Variants in MYH7 observed in about 807,000 individuals in gnomAD.
MYH7 encodes the protein myosin heavy chain 7.
Under a neutral mutation model 225.4 loss-of-function variants are expected in MYH7, and 129 were observed. That is an observed-to-expected ratio of 0.57 (90% CI 0.50 to 0.66). The LOEUF is 0.66. Among genes scored for constraint, MYH7 ranks in the 30% least tolerant of loss-of-function variants. The probability of loss-of-function intolerance (pLI) is 0.00; values close to 1 mark genes in which losing one functional copy is unlikely to be tolerated. For missense variants in MYH7, 1,649 were observed against 2,517.0 expected (o/e 0.66, Z 7.38); for synonymous variants, 971 against 1,007.6 (o/e 0.96, Z 0.69).
Position 23,430,898 on chromosome 14 carries a change from C to A in MYH7, c.895+3G>T. The A allele has an allele frequency of 1.2e-6, 2 of 1,609,342 alleles. No homozygotes were observed. Among genetic ancestry groups the A allele is most frequent in the Non-Finnish European group, 1.7e-6 (2 of 1,175,606 alleles). ...TTGGTCTCAGTCGGTGGCTCTGACTCACCCAGCAGCTCAGGCTTTTTGTTA... is the reference window on the plus strand; with the variant it reads ...TTGGTCTCAGTCGGTGGCTCTGACTAACCCAGCAGCTCAGGCTTTTTGTTA... On this transcript the variant is annotated splice_donor_region_variant and intron_variant, in intron 10 of 39. Coordinates refer to ENST00000355349, the MANE Select transcript of MYH7 (RefSeq NM_000257.4).
intron 1 of MYH7, 26 bp downstream of exon 1, chr14:23,435,594 G>A (rs926097377): frequency 2.6e-5 from 4 of 152,428 alleles, no homozygotes; most frequent in Admixed American, 1.3e-4. Flanking sequence ...TTATCCCAGA[G>A]TAAAGCCTCC....
In MYH7 at chr14:23,417,578, C is replaced by T. The variant is rs763144369; in HGVS notation, c.4278G>A (p.Glu1426=). 6.2e-7 allele frequency: 1 copy of T among 1,612,584 alleles called. No homozygotes were observed. Among genetic ancestry groups the T allele is most frequent in the Non-Finnish European group, 8.5e-7 (1 of 1,180,042 alleles). ...KTKHRLQNEI[E]DLMVDVERSN... is the part of the protein sequence containing the mutation. Reference sequence around the variant, plus strand: ...AGCGCTCTACGTCCACCATCAAGTCCTCGATCTCATTCTGTAGCCGGTGCT... The same window carrying T: ...AGCGCTCTACGTCCACCATCAAGTCTTCGATCTCATTCTGTAGCCGGTGCT... The change falls in exon 31 of 40, where the codon GAG becomes GAA. Residue 1426 remains glutamate (E), a synonymous_variant. Coordinates refer to ENST00000355349, the MANE Select transcript of MYH7 (RefSeq NM_000257.4).
intron 37 of MYH7, 141 bp downstream of exon 37, chr14:23,414,854 C>T: frequency 7.0e-7 from 1 of 1,425,672 alleles, no homozygotes; most frequent in Non-Finnish European, 9.6e-7. Flanking sequence ...CAGAGTGGGG[C>T]AGGGCTAGGC....
intron 11 of MYH7, 48 bp downstream of exon 11, chr14:23,430,505 GTTTGCCC>G: frequency 7.1e-7 from 1 of 1,417,156 alleles, no homozygotes; most frequent in Non-Finnish European, 9.9e-7. Flanking sequence ...TTGGACCCCT[GTTTGCCC>G]CTCACTGCCA....
At chr14:23,418,927 G>A (rs190348886) in intron 29 of MYH7, among the ~76,000 whole-genome samples, 10 of 152,236 alleles carry the variant, frequency 6.6e-5, no homozygotes, top group East Asian at 3.9e-4. Flanking sequence ...AGGCCATCTC[G>A]TGCCTCCCTA....
At position 23,433,253 on chromosome 14, in the gene MYH7, C is replaced by T. The variant is rs552239213; in HGVS notation, c.202-26G>A. The T allele has an allele frequency of 6.6e-5, 106 of 1,614,118 alleles. No homozygotes were observed. Among genetic ancestry groups the T allele is most frequent in the South Asian group, 6.0e-4 (55 of 91,068 alleles). On this transcript the variant is annotated intron_variant, in intron 3 of 39. Coordinates refer to ENST00000355349, the MANE Select transcript of MYH7 (RefSeq NM_000257.4). The surrounding 1 kb of genome is among the most constrained non-coding windows in gnomAD (Gnocchi z 4.1). ...CTGCAAGAGCCCCCACCCAAGCCCTCCTGTCAGCCTGGGCTTTCCCTCCTT... is the reference window on the plus strand; with the variant it reads ...CTGCAAGAGCCCCCACCCAAGCCCTTCTGTCAGCCTGGGCTTTCCCTCCTT...
chr14:23,416,343 C>A, intron 33 of MYH7, 31 bp from the exon 34 acceptor site: 1 of 1,606,340 alleles, frequency 6.2e-7, no homozygotes, highest in Non-Finnish European at 8.5e-7. Context: ...GGGATGCAGG[C>A]AGACAGTCAG....
chr14:23,418,510 A>C (rs1184272791), intron 29 of MYH7, 104 bp from the exon 30 acceptor site: 2 of 1,346,840 alleles, frequency 1.5e-6, no homozygotes, highest in Non-Finnish European at 2.0e-6. Flanking sequence ...CCTTGGCCTC[A>C]TCTATGTCCA....
chr14:23,418,379 G>A lies in MYH7; in HGVS notation c.4000C>T (p.Gln1334Ter), dbSNP rs1238061743. 11 of 1,612,744 alleles carry A rather than the reference G, an allele frequency of 6.8e-6. No homozygotes were observed. Among genetic ancestry groups the A allele is most frequent in the Non-Finnish European group, 9.3e-6 (11 of 1,179,204 alleles). Reference protein sequence around the residue: ...KAKNALAHALQSARHDCDLLR... With the variant: ...KAKNALAHAL ...AGGTCGCAGTCATGCCGGGCCGACT[G>A]CAGTGCGTGGGCCAGGGCGTTCTTC... The change falls in exon 30 of 40, where the codon CAG (glutamine) becomes TAG (stop). Residue 1334 changes from glutamine (Q) to a stop codon, truncating the protein, a stop_gained. Coordinates refer to ENST00000355349, the MANE Select transcript of MYH7 (RefSeq NM_000257.4). LOFTEE classifies it high-confidence loss of function.
At position 23,433,542 on chromosome 14, in the gene MYH7, T is replaced by A; in HGVS notation, c.191A>T (p.Glu64Val). The change falls in exon 3 of 40, where the codon GAG becomes GTG. Residue 64 changes from glutamate (E) to valine (V), a missense_variant. Coordinates refer to ENST00000355349, the MANE Select transcript of MYH7 (RefSeq NM_000257.4). The surrounding 1 kb of genome is among the most constrained non-coding windows in gnomAD (Gnocchi z 4.1). ...REGGKVTAETEYGKTVTVKED... is the reference protein window; with the variant it reads ...REGGKVTAETVYGKTVTVKED... ...CAGCCTGACACCCACCTTGCCATAC[T>A]CGGTCTCGGCAGTGACTTTGCCACC... 6.2e-7 allele frequency: 1 copy of A among 1,614,054 alleles called. No homozygotes were observed. The highest frequency in any genetic ancestry group is 8.5e-7 in the Non-Finnish European group (1 of 1,180,010).
chr14:23,425,533 T>C lies in MYH7; in HGVS notation c.2287-115A>G. The C allele has an allele frequency of 6.3e-7, 1 of 1,584,474 alleles. No individual in the cohort carries two copies. The highest frequency in any genetic ancestry group is 1.3e-5 in the African/African-American group (1 of 74,446). ...AAAAGGATTGCAGGGAGGAGGTCAA[T>C]GGCAGCTGGAGCTGGGATGAGGGGA... On this transcript the variant is annotated intron_variant, in intron 20 of 39. Coordinates refer to ENST00000355349, the MANE Select transcript of MYH7 (RefSeq NM_000257.4). This position sits in a 1 kb window ranked among gnomAD's most constrained non-coding sequence, Gnocchi z 4.6.
chr14:23,432,667 G>C lies in MYH7; in HGVS notation c.474C>G (p.Ser158=), dbSNP rs200444892. 2 of 1,614,112 alleles carry C rather than the reference G, an allele frequency of 1.2e-6. No individual in the cohort carries two copies. The highest frequency in any genetic ancestry group is 3.3e-5 in the Admixed American group (2 of 60,024). ...SEAPPHIFSI[S]DNAYQYMLTD... is the part of the protein sequence containing the mutation. Reference sequence around the variant, plus strand: ...TCAGCATGTACTGATAGGCGTTGTCGGAGATGGAGAAGATGTGGGGCGGGG... The same window carrying C: ...TCAGCATGTACTGATAGGCGTTGTCCGAGATGGAGAAGATGTGGGGCGGGG... Residue 158 remains serine, a synonymous_variant, in exon 5 of 40, where the codon TCC becomes TCG. Coordinates refer to ENST00000355349, the MANE Select transcript of MYH7 (RefSeq NM_000257.4).
rs757538583 is a variant in MYH7, at chr14:23,419,850, C to A, written c.3721G>T (p.Ala1241Ser). The A allele has an allele frequency of 6.8e-6, 11 of 1,613,770 alleles. No individual in the cohort carries two copies. The South Asian group carries it at 9.9e-5, about 14-fold the overall frequency. ...VTSNMEQIIK[A>S]KANLEKMCRT... ...GGAGGCCGAGCAGAGCCTGCCTTGG[C>A]CTTGATGATCTGCTCCATGTTGGAG... The change falls in exon 27 of 40, where the codon GCC becomes TCC. Residue 1241 changes from alanine (A) to serine (S), a missense_variant. This residue lies in a region of MYH7 where 106 missense variants were observed against 198.8 expected (regional missense o/e 0.53). Transcript: ENST00000355349.
rs121913653 is a variant in MYH7, at chr14:23,429,040, G to A, written c.1322C>T (p.Thr441Met). 107 of 1,614,082 alleles carry A rather than the reference G, an allele frequency of 6.6e-5. No homozygotes were observed. The East Asian group carries it at 1.3e-3, about 20-fold the overall frequency. ...GGTCTCCAGGGTGGCATTGATGCGC[G>A]TCACCATCCAGTTGAACATCCTCTC... Reference protein sequence around the residue: ...VYERMFNWMVTRINATLETKQ... With the variant: ...VYERMFNWMVMRINATLETKQ... The change falls in exon 14 of 40, where the codon ACG becomes ATG. Residue 441 changes from threonine (T) to methionine (M), a missense_variant. Physicochemically the swap from Thr to Met is moderately conservative, Grantham distance 81. Transcript: ENST00000355349.
Position 23,418,436 on chromosome 14 carries a change from T to C in MYH7, c.3973-30A>G, listed in dbSNP as rs7159367. The C allele has an allele frequency of 0.36, 564,511 of 1,582,748 alleles. 109,201 individuals are homozygous for C. The highest frequency in any genetic ancestry group is 0.69 in the African/African-American group (51,160 of 74,444). On this transcript the variant is annotated intron_variant, in intron 29 of 39. Transcript: ENST00000355349. ...GGAGGGGTGGGCACCAGGAGGTGGG[T>C]TCAGCTTTCTCCATAAAGCAACCCC...
At chr14:23,429,450 C>T (rs923644434) in intron 12 of MYH7, 103 bp from the exon 13 acceptor site, 54 of 1,183,670 alleles carry the variant, frequency 4.6e-5, no homozygotes, top group Middle Eastern at 2.4e-4. Flanking sequence ...CCAAGGCAGG[C>T]GGATCACTTG....
intron 24 of MYH7, among the ~76,000 whole-genome samples, chr14:23,422,610 CTCCTTCCT>C (rs1200838274): frequency 2.4e-5 from 3 of 124,378 alleles, no homozygotes; most frequent in Admixed American, 1.5e-4. Flanking sequence ...CTTTCTTTCT[CTCCTTCCT>C]TCCTTCCTTC....
chr14:23,432,464 A>G lies in MYH7; in HGVS notation c.530+15T>C. Reference sequence around the variant, plus strand: ...GGGAGATTCTGAAAGGGAATACAGTAGCAGCTACACTCACGTGATCAGGAT... The same window carrying G: ...GGGAGATTCTGAAAGGGAATACAGTGGCAGCTACACTCACGTGATCAGGAT... On this transcript the variant is annotated intron_variant, in intron 6 of 39. Coordinates refer to ENST00000355349, the MANE Select transcript of MYH7 (RefSeq NM_000257.4). The G allele has an allele frequency of 6.2e-7, 1 of 1,614,074 alleles. No individual in the cohort carries two copies. The highest frequency in any genetic ancestry group is 8.5e-7 in the Non-Finnish European group (1 of 1,179,956).
Position 23,427,582 on chromosome 14 carries a change from T to TA in MYH7, c.1888+2dup. The TA allele has an allele frequency of 6.2e-7, 1 of 1,613,996 alleles. No homozygotes were observed. The highest frequency in any genetic ancestry group is 8.5e-7 in the Non-Finnish European group (1 of 1,179,984). The stretch of plus-strand genomic sequence containing the variant: ...TGTACCGGGAGCCTCAGTCCCTACT[T>TA]ACGCGCATCAGCCCCAGCATAGTTG... On this transcript the variant is annotated splice_region_variant and intron_variant, in intron 16 of 39. Coordinates refer to ENST00000355349, the MANE Select transcript of MYH7 (RefSeq NM_000257.4).
Sources: gnomAD v4.1 joint callset for allele counts (sites outside exome capture counted in the v4.1 genomes callset) on GRCh38, gnomAD v4.1.1 for gene constraint, gnomAD v4.1.1 regional missense constraint, Gnocchi (gnomAD v3.1) non-coding constraint, MANE v1.5 for transcripts, NCBI Gene and HGNC (gene_info 2026-07-23, HGNC 2026-07-21) for gene names.